The following EPHA7 variants were observed in gnomAD, a reference collection of about 807,000 sequenced individuals.
The protein encoded by EPHA7 is EPH receptor A7.
EPHA7 carries 25 observed loss-of-function variants against 112.6 expected under a neutral mutation model. The ratio of observed to expected loss-of-function variants is 0.22; its 90% CI spans 0.16 to 0.31. The LOEUF is 0.31. Among genes scored for constraint, EPHA7 ranks in the 10% least tolerant of loss-of-function variants. The probability of loss-of-function intolerance (pLI) is 1.00; values close to 1 mark genes in which losing one functional copy is unlikely to be tolerated. For missense variants in EPHA7, 962 were observed against 1,212.6 expected (o/e 0.79, Z 3.07); for synonymous variants, 437 against 406.5 (o/e 1.07, Z -0.90).
intron 5 of EPHA7, among the ~76,000 whole-genome samples, chr6:93,291,676 G>A (rs1421242829): frequency 6.8e-6 from 1 of 147,788 alleles, no homozygotes; most frequent in Non-Finnish European, 1.5e-5. Context: ...GCTGAGGCAG[G>A]AGAATGGCGT....
At position 93,396,970 on chromosome 6, in the gene EPHA7, AAATATTCTG is replaced by A. The variant is rs1403844580; in HGVS notation, c.832+13522_832+13530del. Among the ~76,000 whole-genome samples the A allele has an allele frequency of 3.3e-5, 5 of 151,780 alleles. No individual in the cohort carries two copies. The South Asian group carries it at 6.2e-4, about 19-fold the overall frequency. On this transcript the variant is annotated intron_variant, in intron 3 of 16. Coordinates refer to ENST00000369303, the MANE Select transcript of EPHA7 (RefSeq NM_004440.4). The stretch of plus-strand genomic sequence containing the variant: ...TAGAATCTATTAATGAGCTTAATTA[AAATATTCTG>A]AATATTCTGAATATTATTTTTAGTG...
chr6:93,282,789 C>A (rs1044017515), intron 5 of EPHA7, among the ~76,000 whole-genome samples: 1 of 152,180 alleles, frequency 6.6e-6, no homozygotes, highest in Non-Finnish European at 1.5e-5. Context: ...AGCACCTGGG[C>A]CAGCAGCTGC....
chr6:93,246,721 G>T, intron 15 of EPHA7, 71 bp downstream of exon 15: 1 of 1,301,860 alleles, frequency 7.7e-7, no homozygotes, highest in Non-Finnish European at 1.1e-6. Context: ...TTGTGGTGGG[G>T]TGGAGGAGAT....
In EPHA7 at chr6:93,412,015, T is replaced by C. The variant is rs191196187; in HGVS notation, c.163-845A>G. Among the ~76,000 whole-genome samples the C allele has an allele frequency of 2.6e-3, 395 of 152,202 alleles. 2 individuals carry two copies. The highest frequency in any genetic ancestry group is 9.1e-3 in the African/African-American group (377 of 41,572). On this transcript the variant is annotated intron_variant, in intron 2 of 16. Coordinates refer to ENST00000369303, the MANE Select transcript of EPHA7 (RefSeq NM_004440.4). ...CAAAAAAGGAAAAAAAGTGCATTTG[T>C]CAGAATTTGCAACAATTTCAAACTA...
chr6:93,320,034 T>C lies in EPHA7; in HGVS notation c.1324+36683A>G, dbSNP rs151291422. ...TAGGGATAAATTGGATAAAATATTA[T>C]AATAAGAAAGTATGATAGATAATTA... On this transcript the variant is annotated intron_variant, in intron 5 of 16. Coordinates refer to ENST00000369303, the MANE Select transcript of EPHA7 (RefSeq NM_004440.4). 4.3e-3 allele frequency among the ~76,000 whole-genome samples: 649 copies of C among 152,148 alleles called. 8 individuals carry two copies. Among genetic ancestry groups the C allele is most frequent in the Non-Finnish European group, 3.4e-3 (232 of 67,976 alleles).
chr6:93,281,147 T>A (rs565400750), intron 5 of EPHA7, among the ~76,000 whole-genome samples: 2 of 152,180 alleles, frequency 1.3e-5, no homozygotes, highest in South Asian at 4.1e-4. Context: ...TTTATATGCA[T>A]GAGCTAGCTA....
Position 93,356,725 on chromosome 6 carries a change from C to T in EPHA7, c.1316G>A (p.Gly439Asp). ...ATAAACACAAAACATACCTGCTTGA[C>T]CAGTGGTGATACTGACAGCAGCAAA... ...RLFAAVSITT[G>D]QAAPSQVSGV... is the part of the protein sequence containing the mutation. Residue 439 changes from glycine (G) to aspartate (D), a missense_variant, in exon 5 of 17, where the codon GGT becomes GAT. By Grantham distance (94) the Gly-to-Asp change is moderately conservative (BLOSUM62 -1). Around this residue, in one of 3 missense-constraint regions of EPHA7, gnomAD observed 746 missense variants for 889.2 expected, o/e 0.84. Transcript: ENST00000369303. The T allele has an allele frequency of 6.2e-7, 1 of 1,609,582 alleles. No individual in the cohort carries two copies. The highest frequency in any genetic ancestry group is 2.2e-5 in the East Asian group (1 of 44,850).
chr6:93,308,479 T>G (rs952416351), intron 5 of EPHA7, among the ~76,000 whole-genome samples: 1 of 152,094 alleles, frequency 6.6e-6, no homozygotes, highest in Non-Finnish European at 1.5e-5. Flanking sequence ...TGGGAAATGT[T>G]GGACCTAAAT....
In EPHA7 at chr6:93,407,460, G is replaced by A. The variant is rs993025744; in HGVS notation, c.832+3041C>T. Among the ~76,000 whole-genome samples the A allele has an allele frequency of 4.6e-5, 7 of 152,174 alleles. No homozygotes were observed. The East Asian group carries it at 1.4e-3, about 29-fold the overall frequency. ...CATTGGAATTATGCCAAGGAGGGAA[G>A]TGTTTTTGCAAATGAACATAGTTCC... On this transcript the variant is annotated intron_variant, in intron 3 of 16. Coordinates refer to ENST00000369303, the MANE Select transcript of EPHA7 (RefSeq NM_004440.4).
intron 3 of EPHA7, among the ~76,000 whole-genome samples, chr6:93,364,131 T>C (rs1178969411): frequency 1.3e-5 from 2 of 152,198 alleles, no homozygotes; most frequent in Non-Finnish European, 2.9e-5. Context: ...GCGGTGACAG[T>C]TGTACAACTC....
In EPHA7 at chr6:93,311,722, A is replaced by G. The variant is rs190105173; in HGVS notation, c.1325-39300T>C. Among the ~76,000 whole-genome samples, 3 of 152,302 alleles carry G rather than the reference A, an allele frequency of 2.0e-5. 1 individual carries two copies. The highest frequency in any genetic ancestry group is 2.0e-4 in the Admixed American group (3 of 15,286). On this transcript the variant is annotated intron_variant, in intron 5 of 16. Coordinates refer to ENST00000369303, the MANE Select transcript of EPHA7 (RefSeq NM_004440.4). Reference sequence around the variant, plus strand: ...TACGGAATGGTGAATCCTTTCCAGAAAAGTTTTCAATTTACCTTGCCCAGA... The same window carrying G: ...TACGGAATGGTGAATCCTTTCCAGAGAAGTTTTCAATTTACCTTGCCCAGA...
chr6:93,402,783 T>C (rs1778493686), intron 3 of EPHA7, among the ~76,000 whole-genome samples: 1 of 152,030 alleles, frequency 6.6e-6, no homozygotes, highest in Non-Finnish European at 1.5e-5. Flanking sequence ...AAGCAAACAA[T>C]ATAATTTTAT....
chr6:93,322,293 G>GA (rs1054075846), intron 5 of EPHA7, among the ~76,000 whole-genome samples: 4 of 151,566 alleles, frequency 2.6e-5, no homozygotes, highest in African/African-American at 9.7e-5. Context: ...GGAATTTGAA[G>GA]AAAAAATATA....
intron 5 of EPHA7, among the ~76,000 whole-genome samples, chr6:93,325,973 A>G (rs1313879516): frequency 6.6e-6 from 1 of 151,396 alleles, no homozygotes; most frequent in Admixed American, 6.6e-5. Flanking sequence ...AAATGACACA[A>G]CATCCTCTCT....
At chr6:93,360,341 C>T (rs1232843031) in intron 3 of EPHA7, among the ~76,000 whole-genome samples, 1 of 151,964 alleles carries the variant, frequency 6.6e-6, no homozygotes, top group African/African-American at 2.4e-5. Context: ...GACAACATTC[C>T]ATAAAACAGA....
rs577501249 is a variant in EPHA7, at chr6:93,395,222, G to C, written c.832+15279C>G. The stretch of plus-strand genomic sequence containing the variant: ...TGCTTTAAAAATGGTTTTTAAAAAA[G>C]CCTTTTTGACTTGATCTCTAACAAG... On this transcript the variant is annotated intron_variant, in intron 3 of 16. Transcript: ENST00000369303. 3.3e-5 allele frequency among the ~76,000 whole-genome samples: 5 copies of C among 151,888 alleles called. No homozygotes were observed. In the East Asian group the frequency reaches 9.7e-4, roughly 29 times the overall value.
chr6:93,362,481 ATTAT>A (rs1174871330), intron 3 of EPHA7, among the ~76,000 whole-genome samples: 1 of 152,118 alleles, frequency 6.6e-6, no homozygotes, highest in African/African-American at 2.4e-5. Context: ...CCATTTATAA[ATTAT>A]TTAAGAATAA....
chr6:93,356,640 T>C, intron 5 of EPHA7, 77 bp downstream of exon 5: 1 of 1,326,482 alleles, frequency 7.5e-7, no homozygotes, highest in Non-Finnish European at 1.0e-6. Context: ...GCAGAGAAAC[T>C]AACTAAATGT....
intron 5 of EPHA7, among the ~76,000 whole-genome samples, chr6:93,290,756 A>G (rs1046281038): frequency 1.3e-5 from 2 of 152,184 alleles, no homozygotes; most frequent in Non-Finnish European, 2.9e-5. Context: ...AGTACCTTCC[A>G]TTACAGGACT....
Sources: gnomAD v4.1 joint callset for allele counts (sites outside exome capture counted in the v4.1 genomes callset) on GRCh38, gnomAD v4.1.1 for gene constraint, gnomAD v4.1.1 regional missense constraint, MANE v1.5 for transcripts, NCBI Gene and HGNC (gene_info 2026-07-23, HGNC 2026-07-21) for gene names.